LHPP: variants seen among roughly 807,000 people sequenced by gnomAD.
LHPP encodes phospholysine phosphohistidine inorganic pyrophosphate phosphatase, also known as hLHPP.
Under a neutral mutation model 30.3 loss-of-function variants are expected in LHPP, and 24 were observed. That is an observed-to-expected ratio of 0.79 (90% CI 0.57 to 1.11). The LOEUF (loss-of-function observed/expected upper bound fraction) is 1.11, where lower values mean the gene tolerates loss of function less well. LHPP is among the 50% of genes most tolerant of loss of function. The pLI is 0.00. For synonymous variants in LHPP, 150 were observed against 157.1 expected (o/e 0.95, Z 0.34); for missense variants, 356 against 367.2 (o/e 0.97, Z 0.25).
chr10:124,508,758 T>C (rs1350112651), intron 5 of LHPP, among the ~76,000 whole-genome samples: 1 of 152,222 alleles, frequency 6.6e-6, no homozygotes, highest in African/African-American at 2.4e-5. Context: ...CAAATCATGC[T>C]TGATCTTGCC....
At chr10:124,521,748 GC>G (rs1181766960) in intron 6 of LHPP, among the ~76,000 whole-genome samples, 2 of 152,208 alleles carry the variant, frequency 1.3e-5, no homozygotes, top group African/African-American at 2.4e-5. Context: ...CCAGTCACTG[GC>G]ACCAGGAAGG....
At chr10:124,587,264 G>C (rs1421459883) in intron 6 of LHPP, among the ~76,000 whole-genome samples, 2 of 151,444 alleles carry the variant, frequency 1.3e-5, no homozygotes, top group Non-Finnish European at 3.0e-5. Flanking sequence ...CGAACTCCTG[G>C]CCTCAAGTGA....
rs1483545351 is a variant in LHPP, at chr10:124,592,795, A to T, written c.717-20469A>T. Among the ~76,000 whole-genome samples the T allele has an allele frequency of 6.6e-6, 1 of 152,200 alleles. No individual in the cohort carries two copies. The highest frequency in any genetic ancestry group is 1.5e-5 in the Non-Finnish European group (1 of 68,022). ...GGCAGCTTGTCTCCCTGGCCTGGAG[A>T]TGAAAACTGAAGAAAACAAGATTCC... On this transcript the variant is annotated intron_variant, in intron 6 of 6. Coordinates refer to ENST00000368842, the MANE Select transcript of LHPP (RefSeq NM_022126.4). The surrounding 1 kb of genome is among the most constrained non-coding windows in gnomAD (Gnocchi z 6.2).
intron 1 of LHPP, among the ~76,000 whole-genome samples, chr10:124,471,814 A>C (rs1019351016): frequency 1.5e-4 from 21 of 142,332 alleles, no homozygotes; most frequent in Middle Eastern, 3.3e-3. Flanking sequence ...TATTATTTTT[A>C]ATAGGGATGG....
intron 6 of LHPP, among the ~76,000 whole-genome samples, chr10:124,571,806 T>G (rs975500036): frequency 4.6e-5 from 7 of 152,130 alleles, no homozygotes; most frequent in African/African-American, 1.7e-4. Context: ...TGGCCTCACA[T>G]GCTAGCAGAG....
intron 6 of LHPP, among the ~76,000 whole-genome samples, chr10:124,540,898 C>T (rs1183995317): frequency 1.3e-5 from 2 of 152,086 alleles, no homozygotes; most frequent in African/African-American, 4.8e-5. Context: ...TCTGGACACA[C>T]GATGCCTTTA....
At chr10:124,583,262 A>G (rs994361328) in intron 6 of LHPP, among the ~76,000 whole-genome samples, 1 of 152,150 alleles carries the variant, frequency 6.6e-6, no homozygotes, top group African/African-American at 2.4e-5. Context: ...TTCTCCTAAG[A>G]ATTATATATT....
intron 6 of LHPP, among the ~76,000 whole-genome samples, chr10:124,599,564 C>T (rs749044710): frequency 1.1e-4 from 16 of 152,276 alleles, no homozygotes; most frequent in East Asian, 3.8e-4. Context: ...CAGCCCTCCC[C>T]GCTCCCCTCT....
chr10:124,474,908 C>T (rs1952894435), intron 1 of LHPP, among the ~76,000 whole-genome samples: 1 of 152,160 alleles, frequency 6.6e-6, no homozygotes. Context: ...GGGCACCTGG[C>T]TTCCTCTCAG....
chr10:124,506,042 G>A (rs995171426), intron 5 of LHPP, among the ~76,000 whole-genome samples: 7 of 152,068 alleles, frequency 4.6e-5, no homozygotes, highest in East Asian at 1.9e-4. Context: ...CCAGGAGTTC[G>A]AGACCAGCCT....
At chr10:124,487,607 T>C (rs1471067466) in intron 2 of LHPP, among the ~76,000 whole-genome samples, 1 of 152,016 alleles carries the variant, frequency 6.6e-6, no homozygotes, top group Non-Finnish European at 1.5e-5. Flanking sequence ...CGTGCCGGGC[T>C]GATTGTTGTA....
intron 6 of LHPP, among the ~76,000 whole-genome samples, chr10:124,536,064 C>T (rs1955016589): frequency 6.6e-6 from 1 of 152,274 alleles, no homozygotes; most frequent in South Asian, 2.1e-4. Context: ...TGATCTTCTG[C>T]CCTGTTACAG....
chr10:124,583,755 C>T (rs180881741), intron 6 of LHPP, among the ~76,000 whole-genome samples: 1 of 152,258 alleles, frequency 6.6e-6, no homozygotes, highest in East Asian at 1.9e-4. Flanking sequence ...TGCCCCATGA[C>T]CCAAACACCT....
intron 1 of LHPP, among the ~76,000 whole-genome samples, chr10:124,477,625 A>G (rs1410317173): frequency 3.3e-5 from 5 of 152,176 alleles, no homozygotes; most frequent in Admixed American, 3.3e-4. Context: ...CTCCCAGTAA[A>G]GCACCTACTG....
intron 6 of LHPP, among the ~76,000 whole-genome samples, chr10:124,611,421 G>GA (rs1289865971): frequency 2.1e-5 from 3 of 141,244 alleles, no homozygotes; most frequent in Non-Finnish European, 4.8e-5. Context: ...AGAGGGATGT[G>GA]AGGCTCGTGA....
chr10:124,504,627 GGAAGGAAGGAAA>G lies in LHPP; in HGVS notation c.624+6511_624+6522del, dbSNP rs1013115633. Among the ~76,000 whole-genome samples the G allele has an allele frequency of 4.6e-5, 7 of 151,062 alleles. No homozygotes were observed. The East Asian group carries it at 5.8e-4, about 13-fold the overall frequency. ...AAAAAAAAAAATAGGAAAGCAAGAA[GGAAGGAAGGAAA>G]GAAGGAAGGAAGGAGGGAAGGGGAA... On this transcript the variant is annotated intron_variant, in intron 5 of 6. Coordinates refer to ENST00000368842, the MANE Select transcript of LHPP (RefSeq NM_022126.4).
intron 5 of LHPP, among the ~76,000 whole-genome samples, chr10:124,503,416 G>A (rs1165118274): frequency 6.6e-6 from 1 of 151,980 alleles, no homozygotes. Context: ...TTCCAGTATG[G>A]TGCAGGGAAG....
intron 6 of LHPP, among the ~76,000 whole-genome samples, chr10:124,608,794 A>C (rs1949128781): frequency 6.6e-6 from 1 of 152,150 alleles, no homozygotes; most frequent in Admixed American, 6.5e-5. Context: ...TCTGTCCTCC[A>C]AGAGGGATCT....
chr10:124,528,029 A>G (rs1440949828), intron 6 of LHPP, among the ~76,000 whole-genome samples: 1 of 139,948 alleles, frequency 7.1e-6, no homozygotes, highest in African/African-American at 2.8e-5. Context: ...TTGGCCTCCC[A>G]AAGTGCTGGG....
Sources: allele counts gnomAD v4.1 joint callset (sites outside exome capture counted in the v4.1 genomes callset), GRCh38; gene constraint gnomAD v4.1.1; non-coding constraint Gnocchi (gnomAD v3.1); transcripts MANE v1.5; gene names NCBI Gene and HGNC (gene_info 2026-07-23, HGNC 2026-07-21).